Variants in CUL1 observed in about 807,000 individuals in gnomAD.
CUL1 encodes cullin-1.
Under a neutral mutation model 118.0 loss-of-function variants are expected in CUL1, and 24 were observed. The observed-to-expected ratio is 0.20, with a 90% CI of 0.15 to 0.29. The LOEUF is 0.29. CUL1 is among the 10% of genes least tolerant of loss of function. The pLI, the probability that CUL1 is intolerant of heterozygous loss-of-function variation, is 1.00. For missense variants in CUL1, 361 were observed against 933.8 expected (o/e 0.39, Z 7.99); for synonymous variants, 332 against 340.4 (o/e 0.98, Z 0.27).
At chr7:148,703,542 G>T (rs1449754094) in intron 1 of CUL1, among the ~76,000 whole-genome samples, 1 of 147,364 alleles carries the variant, frequency 6.8e-6, no homozygotes, top group Non-Finnish European at 1.5e-5. Context: ...TTTGTTTTTT[G>T]TTTTTTTTGA....
At chr7:148,740,041 T>C (rs951738027) in intron 2 of CUL1, among the ~76,000 whole-genome samples, 4 of 149,456 alleles carry the variant, frequency 2.7e-5, no homozygotes, top group East Asian at 2.0e-4. Context: ...TGGAATGGTA[T>C]TGAATTTTTT....
At chr7:148,768,846 G>T (rs1048609425) in intron 9 of CUL1, among the ~76,000 whole-genome samples, 5 of 151,652 alleles carry the variant, frequency 3.3e-5, no homozygotes, top group Non-Finnish European at 5.9e-5. Flanking sequence ...CTTCTTTTCC[G>T]TGTTTAATTT....
At chr7:148,746,111 G>T (rs1258205406) in intron 2 of CUL1, among the ~76,000 whole-genome samples, 2 of 152,104 alleles carry the variant, frequency 1.3e-5, no homozygotes, top group Non-Finnish European at 2.9e-5. Context: ...GGTCCTCTCT[G>T]AGGGGTGGGC....
intron 9 of CUL1, among the ~76,000 whole-genome samples, chr7:148,781,172 C>T (rs1584812943): frequency 6.8e-6 from 1 of 147,384 alleles, no homozygotes; most frequent in Non-Finnish European, 1.5e-5. Context: ...TCCTCCATCT[C>T]CCGGTTCAAG....
At chr7:148,779,911 A>G (rs563016441) in intron 9 of CUL1, among the ~76,000 whole-genome samples, 60 of 152,306 alleles carry the variant, frequency 3.9e-4, no homozygotes, top group Middle Eastern at 3.4e-3. Context: ...AATATAAGGC[A>G]GGCAGAAAAA....
intron 9 of CUL1, among the ~76,000 whole-genome samples, chr7:148,768,424 GC>G (rs1800081421): frequency 8.2e-6 from 1 of 121,832 alleles, no homozygotes; most frequent in Non-Finnish European, 1.6e-5. Flanking sequence ...TTGCTCTCTT[GC>G]CCAGGCTGGA....
intron 1 of CUL1, among the ~76,000 whole-genome samples, chr7:148,703,354 T>C (rs1324572154): frequency 2.6e-5 from 4 of 152,180 alleles, no homozygotes; most frequent in South Asian, 2.1e-4. Flanking sequence ...TGTGATGTTA[T>C]GACTCATTGG....
chr7:148,746,626 C>CAA (rs1402964159), intron 2 of CUL1, among the ~76,000 whole-genome samples: 1 of 152,148 alleles, frequency 6.6e-6, no homozygotes, highest in African/African-American at 2.4e-5. Context: ...AGAATGGACT[C>CAA]TATGTAAAAC....
intron 2 of CUL1, among the ~76,000 whole-genome samples, chr7:148,745,947 C>T (rs183242714): frequency 1.8e-4 from 27 of 152,268 alleles, no homozygotes; most frequent in Middle Eastern, 3.4e-3. Flanking sequence ...CTTTCCATTC[C>T]TGACTAGATA....
chr7:148,784,193 T>G (rs1053896561), intron 11 of CUL1, 116 bp downstream of exon 11: 1 of 806,034 alleles, frequency 1.2e-6, no homozygotes, highest in Non-Finnish European at 2.0e-6. Context: ...TTGTACCTTA[T>G]GAGAAAAATG....
At chr7:148,735,254 G>A (rs894316455) in intron 2 of CUL1, among the ~76,000 whole-genome samples, 1 of 152,188 alleles carries the variant, frequency 6.6e-6, no homozygotes, top group African/African-American at 2.4e-5. Context: ...TTTTTCACCC[G>A]AGTCAATCTG....
chr7:148,782,047 G>A (rs1299528346), intron 9 of CUL1, among the ~76,000 whole-genome samples: 2 of 152,154 alleles, frequency 1.3e-5, no homozygotes, highest in African/African-American at 4.8e-5. Context: ...ACCCAATAGC[G>A]TTTCTAGCAT....
chr7:148,784,366 G>A (rs1027635615), intron 11 of CUL1, among the ~76,000 whole-genome samples: 8 of 152,186 alleles, frequency 5.3e-5, no homozygotes, highest in Non-Finnish European at 1.0e-4. Flanking sequence ...GATCGGGCAC[G>A]TTCAGTTCAG....
chr7:148,734,228 T>A (rs1286862469), intron 2 of CUL1, among the ~76,000 whole-genome samples: 1 of 152,086 alleles, frequency 6.6e-6, no homozygotes, highest in East Asian at 1.9e-4. Context: ...ATGTCTTACA[T>A]GTGTATAGTT....
chr7:148,780,985 C>T (rs922697950), intron 9 of CUL1, among the ~76,000 whole-genome samples: 6 of 151,356 alleles, frequency 4.0e-5, no homozygotes, highest in Admixed American at 6.6e-5. Flanking sequence ...AATTCTCTCC[C>T]GTATATTATT....
At chr7:148,782,708 T>C (rs1800680899) in intron 9 of CUL1, among the ~76,000 whole-genome samples, 1 of 152,230 alleles carries the variant, frequency 6.6e-6, no homozygotes, top group African/African-American at 2.4e-5. Flanking sequence ...CATTCATCCT[T>C]ACTGATACTC....
intron 9 of CUL1, among the ~76,000 whole-genome samples, chr7:148,773,217 T>C (rs1274931313): frequency 6.6e-6 from 1 of 152,164 alleles, no homozygotes; most frequent in African/African-American, 2.4e-5. Context: ...TTACACTAAA[T>C]CAAAATCCTC....
chr7:148,751,706 T>C (rs1261412392), intron 2 of CUL1, among the ~76,000 whole-genome samples: 1 of 138,658 alleles, frequency 7.2e-6, no homozygotes, highest in Non-Finnish European at 1.6e-5. Context: ...ACCAAGAGAG[T>C]TGATGAAGTA....
intron 2 of CUL1, among the ~76,000 whole-genome samples, chr7:148,733,597 C>G (rs1279186939): frequency 2.0e-5 from 3 of 152,200 alleles, no homozygotes; most frequent in Non-Finnish European, 4.4e-5. Flanking sequence ...GCTGTGACAT[C>G]TAATACTTGC....
Sources: gnomAD v4.1 joint callset for allele counts (sites outside exome capture counted in the v4.1 genomes callset) on GRCh38, gnomAD v4.1.1 for gene constraint, MANE v1.5 for transcripts, NCBI Gene and HGNC (gene_info 2026-07-23, HGNC 2026-07-21) for gene names.